The following ASIC2 variants were observed in gnomAD, a reference collection of about 807,000 sequenced individuals.
The protein encoded by ASIC2 is acid sensing ion channel subunit 2, also known as acid-sensing ion channel 2.
A neutral mutation model predicts 57.3 loss-of-function variants in ASIC2; 25 were observed. The observed-to-expected ratio is 0.44, with a 90% CI of 0.32 to 0.61. The LOEUF (loss-of-function observed/expected upper bound fraction) is 0.61, where lower values mean the gene tolerates loss of function less well. ASIC2 is among the 20% of genes least tolerant of loss of function. The pLI is 0.06. For synonymous variants in ASIC2, 319 were observed against 307.5 expected (o/e 1.04, Z -0.39); for missense variants, 641 against 738.1 (o/e 0.87, Z 1.52).
At chr17:33,665,440 C>A (rs1907440145) in intron 1 of ASIC2, among the ~76,000 whole-genome samples, 1 of 152,002 alleles carries the variant, frequency 6.6e-6, no homozygotes, top group African/African-American at 2.4e-5. Flanking sequence ...GTACCCATGT[C>A]GAGGGTTGGC....
At chr17:33,016,378 C>T (rs1227213245) in intron 8 of ASIC2, among the ~76,000 whole-genome samples, 2 of 152,226 alleles carry the variant, frequency 1.3e-5, no homozygotes, top group East Asian at 3.9e-4. Context: ...AGCCTTGGGA[C>T]CCCCTTTCTG....
chr17:33,584,174 G>C (rs1197223848), intron 1 of ASIC2, among the ~76,000 whole-genome samples: 1 of 152,144 alleles, frequency 6.6e-6, no homozygotes, highest in Non-Finnish European at 1.5e-5. Context: ...CTCTACATCT[G>C]TCCAGTATTT....
At chr17:34,155,089 A>AG (rs1215221583) in intron 1 of ASIC2, among the ~76,000 whole-genome samples, 1 of 146,088 alleles carries the variant, frequency 6.8e-6, no homozygotes, top group Non-Finnish European at 1.5e-5. Flanking sequence ...CTCCTCCCCC[A>AG]GGCTTTCCAT....
intron 1 of ASIC2, among the ~76,000 whole-genome samples, chr17:33,753,059 A>G (rs1340630648): frequency 1.3e-5 from 2 of 152,262 alleles, no homozygotes; most frequent in Non-Finnish European, 2.9e-5. Flanking sequence ...GAAGCAATCA[A>G]GATGTCCTTT....
chr17:33,329,514 A>G (rs564586772), intron 1 of ASIC2, among the ~76,000 whole-genome samples: 23 of 152,312 alleles, frequency 1.5e-4, no homozygotes, highest in South Asian at 1.2e-3. Flanking sequence ...TCATGCCCAA[A>G]TTTCAGAAGT....
At chr17:33,014,234 T>A (rs995859864) in intron 9 of ASIC2, among the ~76,000 whole-genome samples, 168 bp from the exon 10 acceptor site, 1 of 152,182 alleles carries the variant, frequency 6.6e-6, no homozygotes, top group Non-Finnish European at 1.5e-5. Flanking sequence ...TGAGGCTGAA[T>A]GGAATCCTTA....
chr17:33,095,767 G>A (rs1049941046), intron 2 of ASIC2, among the ~76,000 whole-genome samples: 1 of 152,218 alleles, frequency 6.6e-6, no homozygotes, highest in Non-Finnish European at 1.5e-5. Context: ...CTGAAGGGCC[G>A]TGGTTGGCAT....
chr17:33,536,878 A>T (rs1915248208), intron 1 of ASIC2, among the ~76,000 whole-genome samples: 1 of 152,098 alleles, frequency 6.6e-6, no homozygotes, highest in East Asian at 1.9e-4. Flanking sequence ...ACTCACCTGT[A>T]GTTCCAGCTA....
intron 1 of ASIC2, among the ~76,000 whole-genome samples, chr17:34,139,810 T>C (rs1912225132): frequency 6.6e-6 from 1 of 152,204 alleles, no homozygotes; most frequent in Non-Finnish European, 1.5e-5. Context: ...ACGGGGTTTC[T>C]TTCTGAGGTA....
chr17:33,653,270 A>C (rs1224010674), intron 1 of ASIC2, among the ~76,000 whole-genome samples: 1 of 152,186 alleles, frequency 6.6e-6, no homozygotes. Flanking sequence ...GACACCACGT[A>C]ATCAGTGAGG....
intron 1 of ASIC2, chr17:34,038,247 T>C (rs1907967349): frequency 2.5e-6 from 4 of 1,610,862 alleles, no homozygotes; most frequent in Non-Finnish European, 8.5e-7. Flanking sequence ...CGGGCCTCTT[T>C]CTCTGACATT....
chr17:34,138,177 C>T (rs1912176049), intron 1 of ASIC2, among the ~76,000 whole-genome samples: 1 of 152,096 alleles, frequency 6.6e-6, no homozygotes, highest in Non-Finnish European at 1.5e-5. Context: ...TGTCAATTGC[C>T]TTCATCTTTT....
chr17:33,052,690 A>G (rs918915408), intron 3 of ASIC2: 5 of 152,220 alleles, frequency 3.3e-5, no homozygotes, highest in African/African-American at 1.2e-4. Flanking sequence ...AATCGTGCCC[A>G]CTGAGCTCTA....
chr17:33,210,820 G>T (rs970799463), intron 1 of ASIC2, among the ~76,000 whole-genome samples: 1 of 152,146 alleles, frequency 6.6e-6, no homozygotes, highest in Non-Finnish European at 1.5e-5. Context: ...GAAAACAGGC[G>T]TGGGCGGGTA....
At chr17:33,679,812 G>T (rs1048363653) in intron 1 of ASIC2, among the ~76,000 whole-genome samples, 1 of 152,114 alleles carries the variant, frequency 6.6e-6, no homozygotes, top group African/African-American at 2.4e-5. Context: ...TGTGCTTTTG[G>T]GGAGCAGAAA....
intron 1 of ASIC2, among the ~76,000 whole-genome samples, chr17:33,133,855 A>C (rs1297451366): frequency 6.6e-6 from 1 of 152,234 alleles, no homozygotes; most frequent in Non-Finnish European, 1.5e-5. Context: ...GAGAGACATC[A>C]ATGCAAGGAC....
intron 1 of ASIC2, among the ~76,000 whole-genome samples, chr17:33,579,434 A>T (rs1181654316): frequency 6.6e-6 from 1 of 152,110 alleles, no homozygotes; most frequent in African/African-American, 2.4e-5. Flanking sequence ...GATATAGACT[A>T]GGGCTGCGGG....
chr17:33,589,858 T>C (rs1414162185), intron 1 of ASIC2, among the ~76,000 whole-genome samples: 1 of 152,230 alleles, frequency 6.6e-6, no homozygotes, highest in African/African-American at 2.4e-5. Flanking sequence ...ATTTCAGTTC[T>C]TTTGGGTGCA....
chr17:33,565,285 T>C (rs180858940), intron 1 of ASIC2, among the ~76,000 whole-genome samples: 186 of 152,316 alleles, frequency 1.2e-3, no homozygotes, highest in African/African-American at 4.4e-3. Flanking sequence ...ATTGCCTTCT[T>C]TGGGTTTTCA....
Sources: gnomAD v4.1 joint callset for allele counts (sites outside exome capture counted in the v4.1 genomes callset) on GRCh38, gnomAD v4.1.1 for gene constraint, MANE v1.5 for transcripts, NCBI Gene and HGNC (gene_info 2026-07-23, HGNC 2026-07-21) for gene names.